The following CIZ1 variants were observed in gnomAD, a reference collection of about 807,000 sequenced individuals.
CIZ1 encodes cip1-interacting zinc finger protein.
CIZ1 carries 58 observed loss-of-function variants against 118.6 expected under a neutral mutation model. The observed-to-expected ratio is 0.49, with a 90% confidence interval of 0.40 to 0.61. The LOEUF (loss-of-function observed/expected upper bound fraction) is 0.61, where lower values mean the gene tolerates loss of function less well. Ranked by LOEUF, CIZ1 falls within the 20% of genes least tolerant of loss-of-function variation. CIZ1 has a pLI of 0.00. For synonymous variants in CIZ1, 448 were observed against 443.4 expected, an observed-to-expected ratio of 1.01 and a Z score of -0.13; for missense variants, 921 against 1,115.9, an observed-to-expected ratio of 0.83 and a Z score of 2.49.
chr9:128,191,448 C>A lies in CIZ1; in HGVS notation c.-22G>T. ...GCCCCGCACCTCGCCTCCCCGCGCG[C>A]CCTCAACGCTCAAGTCGCCCCCACG... is the stretch of plus-strand genomic sequence containing the variant. On this transcript the variant is annotated 5_prime_UTR_variant, in exon 1 of 17. Transcript: ENST00000372938. The surrounding 1 kb of genome is among the most constrained non-coding windows in gnomAD (Gnocchi z 5.5). 2 of 974,272 alleles carry A rather than the reference C, an allele frequency of 2.1e-6. No homozygotes were observed. The highest frequency in any genetic ancestry group is 2.4e-6 in the Non-Finnish European group (2 of 817,828). The allele number at this position is 974,272 out of a possible 1,614,324, so 60.4% of individuals were successfully genotyped here.
rs200698346 is a variant in CIZ1 at position 128,176,306 on chromosome 9, G to A, written c.1943+45C>T. The A allele has an allele frequency of 5.8e-5, 93 of 1,602,368 alleles. No individual in the cohort carries two copies. In the Admixed American group the frequency reaches 8.1e-4, roughly 14 times the overall value. ...GGTAGATTCAGGCCCTGGCCGATGAGACTGCCTACCCCCCAACACAGAGCT... is the reference window on the plus strand; with the variant it reads ...GGTAGATTCAGGCCCTGGCCGATGAAACTGCCTACCCCCCAACACAGAGCT... On this transcript the variant is annotated intron_variant, in intron 11 of 16. Coordinates refer to ENST00000372938, the MANE Select transcript of CIZ1 (RefSeq NM_001131016.2).
upstream of CIZ1, among the ~76,000 whole-genome samples, chr9:128,196,114 A>G (rs181966935): frequency 6.6e-6 from 1 of 151,994 alleles, no homozygotes; most frequent in East Asian, 1.9e-4. Flanking sequence ...TGATCCACCC[A>G]CCTTGGCCTC....
intron 1 of CIZ1, among the ~76,000 whole-genome samples, chr9:128,202,581 T>C (rs2083180175): frequency 6.6e-6 from 1 of 152,170 alleles, no homozygotes; most frequent in Non-Finnish European, 1.5e-5. Context: ...TGCTTGCTGC[T>C]GGCTCCTTCT....
At chr9:128,185,458 C>A in intron 5 of CIZ1, 89 bp downstream of exon 5, 2 of 817,770 alleles carry the variant, frequency 2.4e-6, no homozygotes, top group Non-Finnish European at 3.8e-6. Context: ...GTGACCTGTC[C>A]GAAGGCCCAG....
intron 7 of CIZ1, 40 bp downstream of exon 7, chr9:128,180,375 A>G: frequency 6.8e-7 from 1 of 1,480,568 alleles, no homozygotes; most frequent in Non-Finnish European, 9.4e-7. Context: ...ATGAGAGCAC[A>G]GGGCACCCGG....
intron 11 of CIZ1, among the ~76,000 whole-genome samples, chr9:128,170,368 A>G (rs1227214604): frequency 6.6e-6 from 1 of 152,268 alleles, no homozygotes; most frequent in Non-Finnish European, 1.5e-5. Context: ...AAAACTGTGT[A>G]GTGTGATGTA....
At chr9:128,172,230 C>A (rs1378850826) in intron 11 of CIZ1, among the ~76,000 whole-genome samples, 1 of 151,122 alleles carries the variant, frequency 6.6e-6, no homozygotes, top group Non-Finnish European at 1.5e-5. Context: ...TGGTGGCTCA[C>A]GCCTGTAATC....
intron 11 of CIZ1, among the ~76,000 whole-genome samples, chr9:128,174,627 G>C (rs1830635546): frequency 6.6e-6 from 1 of 152,056 alleles, no homozygotes; most frequent in Non-Finnish European, 1.5e-5. Context: ...ACCAAGGTGA[G>C]GGGGTCGTAG....
At position 128,190,140 on chromosome 9, in the gene CIZ1, A is replaced by G. The variant is rs45462401; in HGVS notation, c.286+189T>C. 2.6e-3 allele frequency among the ~76,000 whole-genome samples: 393 copies of G among 152,338 alleles called. 2 individuals are homozygous for G. Among genetic ancestry groups the G allele is most frequent in the African/African-American group, 9.0e-3 (374 of 41,584 alleles). On this transcript the variant is annotated intron_variant, in intron 3 of 16. Transcript: ENST00000372938. ...GCCAAGGACACACCTCTGCAATCAG[A>G]CAGATCTGCATTCAAATTAGCAGCT...
In CIZ1 at chr9:128,166,078, T is replaced by C. The variant is rs984625469; in HGVS notation, c.*119A>G. On this transcript the variant is annotated 3_prime_UTR_variant, in exon 17 of 17. Coordinates refer to ENST00000372938, the MANE Select transcript of CIZ1 (RefSeq NM_001131016.2). The surrounding 1 kb of genome is among the most constrained non-coding windows in gnomAD (Gnocchi z 4.4). Reference sequence around the variant, plus strand: ...ACTGGTGGGAACTGCACAGCCAAACTACCTTGTTTTATTGGATTTTGAGTA... The same window carrying C: ...ACTGGTGGGAACTGCACAGCCAAACCACCTTGTTTTATTGGATTTTGAGTA... 2.0e-5 allele frequency: 15 copies of C among 758,616 alleles called. No individual in the cohort carries two copies. Among genetic ancestry groups the C allele is most frequent in the Non-Finnish European group, 7.9e-6 (4 of 507,704 alleles). 47.0% of individuals were successfully genotyped at this position (758,616 alleles called of 1,614,324 possible). A position where few individuals can be genotyped will look rare whatever the true frequency, so the allele number is the denominator to read the frequency against.
Position 128,166,378 on chromosome 9 carries a change from G to A in CIZ1, c.2516C>T (p.Pro839Leu). 1.3e-6 allele frequency: 2 copies of A among 1,552,064 alleles called. No homozygotes were observed. The highest frequency in any genetic ancestry group is 1.7e-6 in the Non-Finnish European group (2 of 1,146,608). ...CCGGCGGCTCACAGGTCGGGTGGTG[G>A]GGCTGGGGTTCTTGGCCGCCTTGTA... ...QKYKAAKNPS[P>L]TTRPVSRRCA... The change falls in exon 17 of 17, where the codon CCC (proline) becomes CTC (leucine). Residue 839 changes from proline to leucine, a missense_variant. Physicochemically the swap from Pro to Leu is moderately conservative, Grantham distance 98. Transcript: ENST00000372938. This position sits in a 1 kb window ranked among gnomAD's most constrained non-coding sequence, Gnocchi z 4.4.
At chr9:128,176,708 G>A (rs917026163) in intron 10 of CIZ1, among the ~76,000 whole-genome samples, 11 of 152,146 alleles carry the variant, frequency 7.2e-5, no homozygotes, top group East Asian at 3.8e-4. Context: ...GACAAGGAGC[G>A]GCCTGATTAG....
intron 11 of CIZ1, among the ~76,000 whole-genome samples, chr9:128,175,009 T>C (rs964088951): frequency 1.3e-5 from 2 of 152,172 alleles, no homozygotes; most frequent in Non-Finnish European, 2.9e-5. Context: ...GAAGACTTCA[T>C]GGAGAGATAA....
chr9:128,203,674 G>A lies in CIZ1; in HGVS notation c.-6+512C>T, dbSNP rs768734624. On this transcript the variant is annotated intron_variant, in intron 1 of 17. Transcript: ENST00000372948. The surrounding 1 kb of genome is among the most constrained non-coding windows in gnomAD (Gnocchi z 5.3). ...CCAGGCGCCGACCCCCGACCCCCGG[G>A]ATCCCTGGAGTCCCCGCCCGGGGCA... 2.7e-6 allele frequency: 4 copies of A among 1,461,844 alleles called. No individual in the cohort carries two copies. In the Admixed American group the frequency reaches 7.8e-5, roughly 29 times the overall value. The allele number at this position is 1,461,844 out of a possible 1,614,324, so 90.6% of individuals were successfully genotyped here.
Position 128,169,082 on chromosome 9 carries a change from CTCT to C in CIZ1, c.2262_2264del (p.Glu755del), listed in dbSNP as rs1181895599. On this transcript the variant is annotated inframe_deletion, in exon 14 of 17. Transcript: ENST00000372938. ...TGCAGAGTTCCTCCTCAACCTCGAT[CTCT>C]TCTTCATCCTCATCATCCTCTTCCT... is the stretch of plus-strand genomic sequence containing the variant. 2.5e-6 allele frequency: 4 copies of C among 1,614,050 alleles called. No individual in the cohort carries two copies. Among genetic ancestry groups the C allele is most frequent in the African/African-American group, 1.3e-5 (1 of 74,932 alleles).
intron 14 of CIZ1, among the ~76,000 whole-genome samples, chr9:128,168,521 A>AAG (rs1829727979): frequency 6.8e-6 from 1 of 146,860 alleles, no homozygotes; most frequent in African/African-American, 2.7e-5. Context: ...GTCTTGAAAA[A>AAG]AAAAAAGAAA....
Position 128,190,829 on chromosome 9 carries a change from AGCTGCTGCT to A in CIZ1, c.20_28del (p.Gln7_Gln9del), listed in dbSNP as rs747501009. On this transcript the variant is annotated inframe_deletion, in exon 2 of 17. Coordinates refer to ENST00000372938, the MANE Select transcript of CIZ1 (RefSeq NM_001131016.2). The stretch of plus-strand genomic sequence containing the variant: ...CTGGAGCTGCTGCTGCTGTTGCTGG[AGCTGCTGCT>A]GCTGCTGCTGGCTGAACATGGTGGC... 1 of 1,536,734 alleles carries A rather than the reference AGCTGCTGCT, an allele frequency of 6.5e-7. No individual in the cohort carries two copies. The highest frequency in any genetic ancestry group is 8.8e-7 in the Non-Finnish European group (1 of 1,141,940).
At chr9:128,185,265 C>T (rs571495161) in intron 5 of CIZ1, among the ~76,000 whole-genome samples, 12 of 152,142 alleles carry the variant, frequency 7.9e-5, no homozygotes, top group Middle Eastern at 3.4e-3. Context: ...GCAATAAGAG[C>T]GAAACTTCAT....
chr9:128,182,661 G>C (rs1369960684), intron 5 of CIZ1, among the ~76,000 whole-genome samples: 1 of 152,116 alleles, frequency 6.6e-6, no homozygotes, highest in Non-Finnish European at 1.5e-5. Context: ...CTTCTCTCTG[G>C]TCAAGCCCCA....
Sources: gnomAD v4.1 joint callset for allele counts (sites outside exome capture counted in the v4.1 genomes callset) on GRCh38, gnomAD v4.1.1 for gene constraint, Gnocchi (gnomAD v3.1) non-coding constraint, MANE v1.5 for transcripts, NCBI Gene and HGNC (gene_info 2026-07-23, HGNC 2026-07-21) for gene names.